Variants in PAPPA observed in about 807,000 individuals in gnomAD.
PAPPA encodes the protein pappalysin-1.
In PAPPA, 60 loss-of-function variants were observed where a neutral mutation model predicts 164.0. The ratio of observed to expected loss-of-function variants is 0.37; its 90% CI spans 0.30 to 0.45. PAPPA has a LOEUF of 0.45. PAPPA is among the 20% of genes least tolerant of loss of function. The probability of loss-of-function intolerance (pLI) is 1.00; values close to 1 mark genes in which losing one functional copy is unlikely to be tolerated. For missense variants in PAPPA, 1,782 were observed against 2,087.3 expected, an observed-to-expected ratio of 0.85 and a Z score of 2.85; for synonymous variants, 875 against 814.1, an observed-to-expected ratio of 1.07 and a Z score of -1.27.
chr9:116,280,695 A>G (rs1010136220), intron 9 of PAPPA, among the ~76,000 whole-genome samples: 22 of 152,230 alleles, frequency 1.4e-4, no homozygotes, highest in African/African-American at 4.8e-4. Flanking sequence ...CATAATAGCC[A>G]TGTGCATGCT....
At position 116,188,582 on chromosome 9, in the gene PAPPA, T is replaced by C. The variant is rs148509411; in HGVS notation, c.1478+366T>C. ...ATGGTAGTTCCTAGCAACATGTGCCTACTTAAATTTAAATCAGTCAAAGTT... is the reference window on the plus strand; with the variant it reads ...ATGGTAGTTCCTAGCAACATGTGCCCACTTAAATTTAAATCAGTCAAAGTT... On this transcript the variant is annotated intron_variant, in intron 2 of 21. Transcript: ENST00000328252. Among the ~76,000 whole-genome samples the C allele has an allele frequency of 3.4e-3, 522 of 152,316 alleles. 5 individuals carry two copies. Among genetic ancestry groups the C allele is most frequent in the African/African-American group, 0.012 (501 of 41,574 alleles).
intron 1 of PAPPA, among the ~76,000 whole-genome samples, chr9:116,171,090 G>T (rs1256167529): frequency 1.3e-5 from 2 of 152,172 alleles, no homozygotes; most frequent in Non-Finnish European, 2.9e-5. Context: ...ATCAATAACA[G>T]TTTCTACCCT....
At chr9:116,183,259 G>T (rs1275606958) in intron 1 of PAPPA, among the ~76,000 whole-genome samples, 1 of 152,150 alleles carries the variant, frequency 6.6e-6, no homozygotes, top group African/African-American at 2.4e-5. Context: ...GCATGCAAGA[G>T]TTGCGAATGA....
At chr9:116,203,542 G>A (rs1403893573) in intron 2 of PAPPA, among the ~76,000 whole-genome samples, 1 of 152,182 alleles carries the variant, frequency 6.6e-6, no homozygotes, top group Non-Finnish European at 1.5e-5. Context: ...ACAGAGGAAG[G>A]AGGACTCATT....
intron 10 of PAPPA, among the ~76,000 whole-genome samples, chr9:116,328,316 G>C (rs1845946010): frequency 6.6e-6 from 1 of 152,172 alleles, no homozygotes; most frequent in Admixed American, 6.5e-5. Context: ...TCCACTGGCA[G>C]ATCTGCCTAA....
intron 4 of PAPPA, among the ~76,000 whole-genome samples, chr9:116,214,833 G>A (rs1189101922): frequency 1.3e-5 from 2 of 152,102 alleles, no homozygotes; most frequent in Non-Finnish European, 2.9e-5. Context: ...TGTGTGTCAT[G>A]GCTTCTTAAT....
At chr9:116,260,463 T>C (rs1844988011) in intron 7 of PAPPA, among the ~76,000 whole-genome samples, 1 of 152,202 alleles carries the variant, frequency 6.6e-6, no homozygotes. Flanking sequence ...GCCCAGACAT[T>C]ACCCTCTGGT....
chr9:116,211,457 C>A (rs1288828361), intron 3 of PAPPA, among the ~76,000 whole-genome samples, 182 bp from the exon 4 acceptor site: 1 of 152,128 alleles, frequency 6.6e-6, no homozygotes, highest in African/African-American at 2.4e-5. Context: ...AGATTCCTTC[C>A]TGCTCTGATA....
At chr9:116,203,665 C>T (rs1327087264) in intron 2 of PAPPA, among the ~76,000 whole-genome samples, 2 of 152,224 alleles carry the variant, frequency 1.3e-5, no homozygotes, top group African/African-American at 2.4e-5. Context: ...CTGTGCCAGT[C>T]ACCATGCTAG....
At chr9:116,350,403 T>G (rs1350755916) in intron 15 of PAPPA, among the ~76,000 whole-genome samples, 1 of 152,010 alleles carries the variant, frequency 6.6e-6, no homozygotes, top group Admixed American at 6.6e-5. Context: ...GTTGCAGGGG[T>G]GGGGGGACAT....
intron 3 of PAPPA, among the ~76,000 whole-genome samples, chr9:116,207,987 T>A (rs1844257617): frequency 6.6e-6 from 1 of 152,186 alleles, no homozygotes; most frequent in Non-Finnish European, 1.5e-5. Context: ...ATCTTCTCAG[T>A]CTGGTAACCA....
intron 1 of PAPPA, among the ~76,000 whole-genome samples, chr9:116,165,783 C>T (rs1408846417): frequency 6.6e-6 from 1 of 152,162 alleles, no homozygotes; most frequent in Non-Finnish European, 1.5e-5. Flanking sequence ...TTTATGCCTT[C>T]CCAGGATTTT....
chr9:116,216,479 C>T (rs1844372952), intron 4 of PAPPA, among the ~76,000 whole-genome samples: 2 of 152,174 alleles, frequency 1.3e-5, no homozygotes, highest in African/African-American at 4.8e-5. Context: ...GCTGAAGTCC[C>T]GAAGTTCTTT....
intron 7 of PAPPA, among the ~76,000 whole-genome samples, chr9:116,249,554 T>C (rs1252643980): frequency 6.6e-6 from 1 of 152,092 alleles, no homozygotes; most frequent in Non-Finnish European, 1.5e-5. Context: ...TATGTCTGGA[T>C]AGAAGTAAGG....
At chr9:116,225,309 T>C (rs1181399364) in intron 5 of PAPPA, among the ~76,000 whole-genome samples, 1 of 152,232 alleles carries the variant, frequency 6.6e-6, no homozygotes, top group East Asian at 1.9e-4. Flanking sequence ...ACTCCTACTT[T>C]TCTGCATTTG....
At chr9:116,284,583 T>A (rs1845309071) in intron 9 of PAPPA, among the ~76,000 whole-genome samples, 1 of 143,858 alleles carries the variant, frequency 7.0e-6, no homozygotes, top group Non-Finnish European at 1.5e-5. Flanking sequence ...CATGAACTTG[T>A]ATATCTAATT....
chr9:116,257,696 C>T (rs909188293), intron 7 of PAPPA, among the ~76,000 whole-genome samples: 11 of 151,732 alleles, frequency 7.2e-5, no homozygotes, highest in Admixed American at 1.3e-4. Flanking sequence ...AGCGAGACTC[C>T]GTCTCAAAAA....
At chr9:116,162,601 T>C (rs1417189384) in intron 1 of PAPPA, among the ~76,000 whole-genome samples, 1 of 152,202 alleles carries the variant, frequency 6.6e-6, no homozygotes, top group Non-Finnish European at 1.5e-5. Flanking sequence ...GCTTCACTTT[T>C]CCCCTCTGTA....
rs140928157 is a variant in PAPPA at position 116,382,454 on chromosome 9, C to T, written c.4737C>T (p.Asp1579=). ...ACAACCGAGCCTTTTGCAACTATGA[C>T]GGTGGGGATTGCTGCACCTCCACAG... ...AINNRAFCNY[D]GGDCCTSTVK... The change falls in exon 21 of 22, where the codon GAC becomes GAT. Residue 1579 remains aspartate, a synonymous_variant. Transcript: ENST00000328252. 8.1e-5 allele frequency: 130 copies of T among 1,613,566 alleles called. No homozygotes were observed. In the South Asian group the frequency reaches 8.6e-4, roughly 11 times the overall value.
Sources: allele counts gnomAD v4.1 joint callset (sites outside exome capture counted in the v4.1 genomes callset), GRCh38; gene constraint gnomAD v4.1.1; transcripts MANE v1.5; gene names NCBI Gene and HGNC (gene_info 2026-07-23, HGNC 2026-07-21).